Variants in ZC3H4 observed in about 807,000 individuals in gnomAD.
ZC3H4 encodes zinc finger CCCH-type containing 4.
ZC3H4 carries 13 observed loss-of-function variants against 108.3 expected under a neutral mutation model. That is an observed-to-expected ratio of 0.12 (90% CI 0.08 to 0.19). The LOEUF is 0.19. Ranked by LOEUF, ZC3H4 falls within the 10% of genes least tolerant of loss-of-function variation. The pLI, the probability that ZC3H4 is intolerant of heterozygous loss-of-function variation, is 1.00. For missense variants in ZC3H4, 1,734 were observed against 1,838.8 expected, an observed-to-expected ratio of 0.94 and a Z score of 1.04; for synonymous variants, 917 against 749.6, an observed-to-expected ratio of 1.22 and a Z score of -3.65.
Position 47,099,285 on chromosome 19 carries a change from C to A in ZC3H4, c.162-4677G>T, listed in dbSNP as rs1177884850. ...GACCAGCCTGACCAACATGGAGAAA[C>A]TCCATATCTACTCAAAATACAAAAT... On this transcript the variant is annotated intron_variant, in intron 2 of 14. Transcript: ENST00000253048. Among the ~76,000 whole-genome samples the A allele has an allele frequency of 4.6e-5, 7 of 152,074 alleles. No homozygotes were observed. The East Asian group carries it at 1.3e-3, about 29-fold the overall frequency.
rs549490791 is a variant in ZC3H4 at position 47,084,766 on chromosome 19, C to T, written c.1107+290G>A. On this transcript the variant is annotated intron_variant, in intron 8 of 14. Coordinates refer to ENST00000253048, the MANE Select transcript of ZC3H4 (RefSeq NM_015168.2). ...TGGTGGCATGGGTCTCCCTGCAAAA[C>T]CTTCCAGGGCTAATTGGATGGTTCA... is the stretch of plus-strand genomic sequence containing the variant. Among the ~76,000 whole-genome samples the T allele has an allele frequency of 2.2e-4, 33 of 152,312 alleles. No homozygotes were observed. The South Asian group carries it at 6.8e-3, about 32-fold the overall frequency.
chr19:47,066,829 T>C lies in ZC3H4; in HGVS notation c.3439A>G (p.Ser1147Gly). ...TTGGGAGTCCTCGGGTCGTAGAGGC[T>C]GATACCGCTCAGCACACTGCTCTGC... ...GGQSSVLSGI[S>G]LYDPRTPNAG... Residue 1147 changes from serine to glycine, a missense_variant, in exon 15 of 15, where the codon AGC becomes GGC. Coordinates refer to ENST00000253048, the MANE Select transcript of ZC3H4 (RefSeq NM_015168.2). 1.3e-6 allele frequency: 2 copies of C among 1,599,868 alleles called. No homozygotes were observed. The highest frequency in any genetic ancestry group is 1.7e-6 in the Non-Finnish European group (2 of 1,179,298).
chr19:47,098,092 T>C (rs1343230407), intron 2 of ZC3H4, among the ~76,000 whole-genome samples: 1 of 152,172 alleles, frequency 6.6e-6, no homozygotes. Flanking sequence ...CTCCTCCCCC[T>C]GGTCAAAGAA....
intron 2 of ZC3H4, among the ~76,000 whole-genome samples, chr19:47,111,912 C>T (rs1303037735): frequency 6.6e-6 from 1 of 150,762 alleles, no homozygotes; most frequent in Non-Finnish European, 1.5e-5. Context: ...GGCTGGGAGA[C>T]CCCCAACCCC....
Position 47,080,070 on chromosome 19 carries a change from A to C in ZC3H4, c.1440+1443T>G, listed in dbSNP as rs576523838. Among the ~76,000 whole-genome samples, 8 of 152,040 alleles carry C rather than the reference A, an allele frequency of 5.3e-5. No homozygotes were observed. The East Asian group carries it at 1.5e-3, about 29-fold the overall frequency. On this transcript the variant is annotated intron_variant, in intron 11 of 14. Transcript: ENST00000253048. ...TAACAAGACAGTCACTGACAGATGGACTCTGGAAGCCGGCAGATGTGCTGA... is the reference window on the plus strand; with the variant it reads ...TAACAAGACAGTCACTGACAGATGGCCTCTGGAAGCCGGCAGATGTGCTGA...
intron 14 of ZC3H4, 117 bp downstream of exon 14, chr19:47,068,975 C>T (rs1307247310): frequency 6.5e-7 from 1 of 1,546,790 alleles, no homozygotes; most frequent in African/African-American, 1.4e-5. Context: ...GGACAGGGGT[C>T]CTCCCTAGCC....
chr19:47,067,013 G>A lies in ZC3H4; in HGVS notation c.3255C>T (p.Pro1085=). 6.3e-7 allele frequency: 1 copy of A among 1,597,460 alleles called. No homozygotes were observed. The highest frequency in any genetic ancestry group is 8.5e-7 in the Non-Finnish European group (1 of 1,171,776). ...CCCGGGAGGAGGCCGTAGAGTCTGT[G>A]GGTTTCTGCAGCCGAGGGTCGGTGG... ...KAPTDPRLQK[P]TDSTASSRAA... is the part of the protein sequence containing the mutation. Residue 1085 remains proline, a synonymous_variant, in exon 15 of 15, where the codon CCC becomes CCT. Coordinates refer to ENST00000253048, the MANE Select transcript of ZC3H4 (RefSeq NM_015168.2). The surrounding 1 kb of genome is among the most constrained non-coding windows in gnomAD (Gnocchi z 6.4).
chr19:47,075,785 C>G (rs990206864), intron 11 of ZC3H4, among the ~76,000 whole-genome samples: 2 of 152,202 alleles, frequency 1.3e-5, no homozygotes, highest in Non-Finnish European at 2.9e-5. Flanking sequence ...AATCCAGAGG[C>G]TGGGTCCAGT....
chr19:47,075,600 G>A (rs1030304082), intron 11 of ZC3H4, among the ~76,000 whole-genome samples: 6 of 151,782 alleles, frequency 4.0e-5, no homozygotes, highest in African/African-American at 1.2e-4. Context: ...TGATCCCCAC[G>A]TGTGTGTGCG....
intron 2 of ZC3H4, chr19:47,096,845 G>GTGCC (rs1434923822): frequency 6.4e-5 from 63 of 985,296 alleles, no homozygotes; most frequent in Non-Finnish European, 7.5e-5. Flanking sequence ...CACAAGGCAG[G>GTGCC]TGCCTGATCA....
At chr19:47,092,369 C>T (rs1248542338) in intron 4 of ZC3H4, among the ~76,000 whole-genome samples, 1 of 152,192 alleles carries the variant, frequency 6.6e-6, no homozygotes, top group African/African-American at 2.4e-5. Flanking sequence ...ACGCAATGTT[C>T]CCTCCATTTC....
intron 2 of ZC3H4, among the ~76,000 whole-genome samples, chr19:47,110,679 G>C (rs569976595): frequency 6.6e-6 from 1 of 152,168 alleles, no homozygotes; most frequent in Admixed American, 6.5e-5. Context: ...TGACATAAGA[G>C]AACTCCTTAG....
Position 47,069,215 on chromosome 19 carries a change from G to A in ZC3H4, c.2275C>T (p.Pro759Ser). The A allele has an allele frequency of 6.2e-7, 1 of 1,612,778 alleles. No homozygotes were observed. The highest frequency in any genetic ancestry group is 8.5e-7 in the Non-Finnish European group (1 of 1,179,956). ...CTCTGGGCTGAGGGCAGGAAGTCAG[G>A]GACACCGGCGCCTGGCTTCGGCCGG... ...PGRPKPGAGV[P>S]DFLPSAQRAL... is the part of the protein sequence containing the mutation. The change falls in exon 14 of 15, where the codon CCT (proline) becomes TCT (serine). Residue 759 changes from proline to serine, a missense_variant. Coordinates refer to ENST00000253048, the MANE Select transcript of ZC3H4 (RefSeq NM_015168.2).
Position 47,081,612 on chromosome 19 carries a change from C to T in ZC3H4, c.1341G>A (p.Pro447=), listed in dbSNP as rs73943616. The T allele has an allele frequency of 7.2e-3, 11,693 of 1,613,976 alleles. 310 individuals are homozygous for T. In the African/African-American group the frequency reaches 0.085, roughly 12 times the overall value. ...ENCPYMHGDF[P]CKLYHTTGNC... ...TCCCAGTGGTGTGGTACAGCTTACA[C>T]GGGAAATCACGTTCATGGCAAATTA... is the stretch of plus-strand genomic sequence containing the variant. The change falls in exon 11 of 15, where the codon CCG becomes CCA. Residue 447 remains proline (P), a synonymous_variant. Coordinates refer to ENST00000253048, the MANE Select transcript of ZC3H4 (RefSeq NM_015168.2).
chr19:47,107,293 T>C (rs1388035458), intron 2 of ZC3H4, among the ~76,000 whole-genome samples: 3 of 152,182 alleles, frequency 2.0e-5, no homozygotes, highest in Admixed American at 2.0e-4. Context: ...TCTTCTCTAG[T>C]AGGGAAAGCA....
rs1187430847 is a variant in ZC3H4 at position 47,064,751 on chromosome 19, GACAA to G, written c.*1601_*1604del. ...AAAAAAAAAAAAAAAAAGACAAAAAGACAAACCAACCAACCAGATCCCAGCACTG... is the reference window on the plus strand; with the variant it reads ...AAAAAAAAAAAAAAAAAGACAAAAAGACCAACCAACCAGATCCCAGCACTG... On this transcript the variant is annotated 3_prime_UTR_variant, in exon 15 of 15. Coordinates refer to ENST00000253048, the MANE Select transcript of ZC3H4 (RefSeq NM_015168.2). 15 of 136,786 alleles carry G rather than the reference GACAA, an allele frequency of 1.1e-4. No individual in the cohort carries two copies. The highest frequency in any genetic ancestry group is 3.5e-4 in the African/African-American group (13 of 36,888). The allele number at this position is 136,786 out of a possible 1,614,324, so 8.5% of individuals were successfully genotyped here.
chr19:47,086,652 TCTCCTCCTCCTCCTC>T, intron 5 of ZC3H4, 114 bp from the exon 6 acceptor site: 7 of 1,383,524 alleles, frequency 5.1e-6, no homozygotes, highest in Non-Finnish European at 6.6e-6. Context: ...TCCTCCTCCT[TCTCCTCCTCCTCCTC>T]CTCCAAGAAG....
chr19:47,113,592 T>G (rs1299231712), intron 1 of ZC3H4, 128 bp downstream of exon 1: 2 of 152,024 alleles, frequency 1.3e-5, no homozygotes, highest in African/African-American at 4.8e-5. Flanking sequence ...CTTTCAGGAA[T>G]TCGCCGGAGA....
chr19:47,077,486 G>A (rs912670806), intron 11 of ZC3H4, among the ~76,000 whole-genome samples: 2 of 150,336 alleles, frequency 1.3e-5, no homozygotes, highest in African/African-American at 2.4e-5. Flanking sequence ...AAAAAAAACT[G>A]GTACCAAAGA....
Sources: gnomAD v4.1 joint callset for allele counts (sites outside exome capture counted in the v4.1 genomes callset) on GRCh38, gnomAD v4.1.1 for gene constraint, Gnocchi (gnomAD v3.1) non-coding constraint, MANE v1.5 for transcripts, NCBI Gene and HGNC (gene_info 2026-07-23, HGNC 2026-07-21) for gene names.